MAOB: variants seen among roughly 807,000 people sequenced by gnomAD.
The protein encoded by MAOB is monoamine oxidase B.
A neutral mutation model predicts 41.9 loss-of-function variants in MAOB; 15 were observed. The ratio of observed to expected loss-of-function variants is 0.36; its 90% confidence interval spans 0.24 to 0.55. The LOEUF is 0.55. Among genes scored for constraint, MAOB ranks in the 20% least tolerant of loss-of-function variants. The pLI is 0.86. For synonymous variants in MAOB, 167 were observed against 144.2 expected (o/e 1.16, Z -1.13); for missense variants, 345 against 398.7 (o/e 0.87, Z 1.15).
At chrX:43,876,524 A>G (rs990075178) in intron 1 of MAOB, among the ~76,000 whole-genome samples, 1 of 111,589 alleles carries the variant, frequency 9.0e-6, no homozygotes, top group African/African-American at 3.3e-5. Flanking sequence ...ACCTGTTACT[A>G]TTGCCACCCC....
At chrX:43,819,842 G>A (rs1445741426) in intron 3 of MAOB, among the ~76,000 whole-genome samples, 1 of 112,035 alleles carries the variant, frequency 8.9e-6, no homozygotes, top group Non-Finnish European at 1.9e-5. Context: ...AGCAATAGCT[G>A]CTACAAACAT....
chrX:43,860,908 C>T (rs1216587379), intron 1 of MAOB, among the ~76,000 whole-genome samples: 1 of 111,894 alleles, frequency 8.9e-6, no homozygotes, highest in Non-Finnish European at 1.9e-5. Flanking sequence ...TAATGCTCAC[C>T]TCCCTGATAG....
At chrX:43,768,313 TC>T (rs200425709) in intron 14 of MAOB, among the ~76,000 whole-genome samples, 1,615 of 112,320 alleles carry the variant, frequency 0.014, 28 homozygotes, top group African/African-American at 0.049. Context: ...CACTTTCCTT[TC>T]TTTTCCTACC....
In MAOB at chrX:43,875,254, A is replaced by G. The variant is rs191835221; in HGVS notation, c.46+7000T>C. Reference sequence around the variant, plus strand: ...TCCTCCAGGACAATAATTTTATTCAAAAGAAGGGGCTGTGAGGTCTGGAGC... The same window carrying G: ...TCCTCCAGGACAATAATTTTATTCAGAAGAAGGGGCTGTGAGGTCTGGAGC... On this transcript the variant is annotated intron_variant, in intron 1 of 14. Coordinates refer to ENST00000378069, the MANE Select transcript of MAOB (RefSeq NM_000898.5). Among the ~76,000 whole-genome samples, 37 of 111,793 alleles carry G rather than the reference A, an allele frequency of 3.3e-4. No individual in the cohort carries two copies. The East Asian group carries it at 7.3e-3, about 22-fold the overall frequency.
In MAOB at chrX:43,773,499, G is replaced by A. The variant is rs1298332853; in HGVS notation, c.1235+1676C>T. 6.2e-5 allele frequency among the ~76,000 whole-genome samples: 7 copies of A among 112,705 alleles called. No individual in the cohort carries two copies. The Admixed American group carries it at 6.6e-4, about 11-fold the overall frequency. On this transcript the variant is annotated intron_variant, in intron 12 of 14. Transcript: ENST00000378069. Reference sequence around the variant, plus strand: ...GTTCTCAGCACAGTGCTTCGCAAATGGTTGGCACTTAGCCAATAAATGCAG... The same window carrying A: ...GTTCTCAGCACAGTGCTTCGCAAATAGTTGGCACTTAGCCAATAAATGCAG...
chrX:43,781,527 T>C lies in MAOB; in HGVS notation c.946A>G (p.Ile316Val), dbSNP rs1174652648. 2 of 1,181,076 alleles carry C rather than the reference T, an allele frequency of 1.7e-6. No individual in the cohort carries two copies. Among genetic ancestry groups the C allele is most frequent in the African/African-American group, 1.8e-5 (1 of 57,076 alleles). The change falls in exon 9 of 15, where the codon ATT becomes GTT. Residue 316 changes from isoleucine (I) to valine (V), a missense_variant. Physicochemically the swap from Ile to Val is conservative, Grantham distance 29. Transcript: ENST00000378069. ...ACTGGAGCTTCTTCTCCATCAATAA[T>C]CATGGTTCCACAGTAATCTTAGAGA... ...WRKKDYCGTM[I>V]IDGEEAPVAY...
rs1332894420 is a variant in MAOB, at chrX:43,793,585, GA to G, written c.769-8del. ...CACTAATCACATATTTAGCCTGAAA[GA>G]AAAGCAACATGGTTAAACATTGTTG... On this transcript the variant is annotated splice_polypyrimidine_tract_variant and splice_region_variant and intron_variant, in intron 7 of 14. Transcript: ENST00000378069. 2.5e-6 allele frequency: 3 copies of G among 1,186,261 alleles called. No individual in the cohort carries two copies. Among genetic ancestry groups the G allele is most frequent in the Admixed American group, 2.4e-5 (1 of 41,797 alleles).
intron 11 of MAOB, among the ~76,000 whole-genome samples, chrX:43,775,816 A>G (rs2034248403): frequency 8.9e-6 from 1 of 112,233 alleles, no homozygotes; most frequent in Non-Finnish European, 1.9e-5. Flanking sequence ...TTTGACACGA[A>G]CAGGAAAAAT....
chrX:43,871,638 C>T (rs770065216), intron 1 of MAOB, among the ~76,000 whole-genome samples: 1 of 105,492 alleles, frequency 9.5e-6, no homozygotes, highest in Admixed American at 1.0e-4. Flanking sequence ...CCACACCTAG[C>T]CCAATGTTTG....
intron 11 of MAOB, among the ~76,000 whole-genome samples, chrX:43,777,387 CAA>C (rs374282429): frequency 3.2e-5 from 3 of 95,142 alleles, no homozygotes; most frequent in Admixed American, 1.1e-4. Context: ...TATATGAAAG[CAA>C]AAAAAAAAAG....
chrX:43,831,506 C>A (rs1299999531), intron 3 of MAOB, among the ~76,000 whole-genome samples: 1 of 108,446 alleles, frequency 9.2e-6, no homozygotes, highest in South Asian at 4.0e-4. Flanking sequence ...AATGAATAGA[C>A]GAATGGATGG....
At chrX:43,796,275 C>T (rs1386090506) in intron 6 of MAOB, among the ~76,000 whole-genome samples, 1 of 111,293 alleles carries the variant, frequency 9.0e-6, no homozygotes, top group African/African-American at 3.3e-5. Context: ...AGCCTGCTTC[C>T]CCTTGCTTTG....
Position 43,846,311 on chromosome X carries a change from G to A in MAOB, c.47-2547C>T, listed in dbSNP as rs766414771. Among the ~76,000 whole-genome samples the A allele has an allele frequency of 5.3e-5, 6 of 112,272 alleles. No individual in the cohort carries two copies. The South Asian group carries it at 2.2e-3, about 42-fold the overall frequency. ...CAAAAGGTACCGTCTTTTAGTAAAT[G>A]CATTTACCCAATAATATCTGATGTT... On this transcript the variant is annotated intron_variant, in intron 1 of 14. Transcript: ENST00000378069.
Position 43,767,641 on chromosome X carries a change from A to G in MAOB, c.1411-23T>C. On this transcript the variant is annotated intron_variant, in intron 14 of 14. Transcript: ENST00000378069. ...ATCCTAGGTTCAGAAAACATTGGGT[A>G]TTAGTACAGGGCTTGTGCACTTTAT... 3 of 1,191,111 alleles carry G rather than the reference A, an allele frequency of 2.5e-6. No homozygotes were observed. The South Asian group carries it at 5.5e-5, about 22-fold the overall frequency.
intron 3 of MAOB, among the ~76,000 whole-genome samples, chrX:43,820,492 A>G (rs2034867968): frequency 1.8e-5 from 2 of 112,449 alleles, no homozygotes; most frequent in Admixed American, 9.5e-5. Flanking sequence ...AAGAAATAAA[A>G]CCAAATACAA....
In MAOB at chrX:43,775,161, T is replaced by A; in HGVS notation, c.1235+14A>T. The A allele has an allele frequency of 8.6e-7, 1 of 1,166,528 alleles. No homozygotes were observed. The highest frequency in any genetic ancestry group is 2.1e-5 in the South Asian group (1 of 48,621). ...AGGGGATTTCTGTAACAGCTTAGCA[T>A]GCTTTTACTCTACCTTCCATATTGA... On this transcript the variant is annotated intron_variant, in intron 12 of 14. Transcript: ENST00000378069.
chrX:43,879,092 G>A (rs1220989760), intron 1 of MAOB, among the ~76,000 whole-genome samples: 1 of 111,774 alleles, frequency 8.9e-6, no homozygotes, highest in African/African-American at 3.3e-5. Flanking sequence ...CAGATGCAAC[G>A]TGCTGCTGTC....
intron 8 of MAOB, among the ~76,000 whole-genome samples, chrX:43,786,345 G>T (rs766224814): frequency 7.4e-4 from 83 of 111,598 alleles, no homozygotes; most frequent in African/African-American, 2.6e-3. Flanking sequence ...AACAGAGAAA[G>T]GACCTCCCCA....
At chrX:43,860,298 C>G (rs1214966337) in intron 1 of MAOB, among the ~76,000 whole-genome samples, 1 of 111,820 alleles carries the variant, frequency 8.9e-6, no homozygotes, top group East Asian at 2.8e-4. Flanking sequence ...ATTGTGCCTT[C>G]CTCTATGTAA....
Sources: allele counts gnomAD v4.1 joint callset (sites outside exome capture counted in the v4.1 genomes callset), GRCh38; gene constraint gnomAD v4.1.1; transcripts MANE v1.5; gene names NCBI Gene and HGNC (gene_info 2026-07-23, HGNC 2026-07-21).